ARFGEF3: variants seen among roughly 807,000 people sequenced by gnomAD.
ARFGEF3 encodes the protein ARFGEF family member 3.
ARFGEF3 carries 96 observed loss-of-function variants against 221.7 expected under a neutral mutation model. The ratio of observed to expected loss-of-function variants is 0.43; its 90% CI spans 0.37 to 0.51. The LOEUF is 0.51. ARFGEF3 is among the 20% of genes least tolerant of loss of function. The pLI is 0.00. For synonymous variants in ARFGEF3, 1,145 were observed against 1,126.8 expected (o/e 1.02, Z -0.32); for missense variants, 2,410 against 2,789.9 (o/e 0.86, Z 3.07).
At chr6:138,193,066 G>A (rs2114471252) in intron 2 of ARFGEF3, among the ~76,000 whole-genome samples, 1 of 152,292 alleles carries the variant, frequency 6.6e-6, no homozygotes, top group African/African-American at 2.4e-5. Context: ...TTCTCTGAAT[G>A]GTATGCAAGA....
chr6:138,289,725 C>A (rs1779364355), intron 17 of ARFGEF3, 93 bp from the exon 18 acceptor site: 1 of 1,365,498 alleles, frequency 7.3e-7, no homozygotes, highest in South Asian at 1.3e-5. Flanking sequence ...TGTCCTTTCC[C>A]TTTTGCCCTT....
At chr6:138,243,881 A>G (rs959268046) in intron 7 of ARFGEF3, among the ~76,000 whole-genome samples, 6 of 152,174 alleles carry the variant, frequency 3.9e-5, no homozygotes, top group Admixed American at 6.5e-5. Flanking sequence ...CCATGATGCC[A>G]CATTCTTGGG....
intron 3 of ARFGEF3, among the ~76,000 whole-genome samples, chr6:138,208,434 A>G (rs975025804): frequency 1.3e-5 from 2 of 152,208 alleles, no homozygotes; most frequent in East Asian, 3.8e-4. Flanking sequence ...GTCTTAAGTA[A>G]AAAGGTTTGA....
In ARFGEF3 at chr6:138,313,713, G is replaced by T. The variant is rs944241512; in HGVS notation, c.4201-82G>T. On this transcript the variant is annotated intron_variant, in intron 25 of 33. Coordinates refer to ENST00000251691, the MANE Select transcript of ARFGEF3 (RefSeq NM_020340.5). ...TTTCCCATCTCCTTTTAGTACTAGT[G>T]TATAATTTCATTATTCTTTAAAACC... The T allele has an allele frequency of 2.6e-6, 3 of 1,142,608 alleles. No individual in the cohort carries two copies. In the African/African-American group the frequency reaches 4.6e-5, roughly 18 times the overall value. 70.8% of individuals were successfully genotyped at this position (1,142,608 alleles called of 1,614,324 possible). A position where few individuals can be genotyped will look rare whatever the true frequency, so the allele number is the denominator to read the frequency against.
intron 24 of ARFGEF3, among the ~76,000 whole-genome samples, chr6:138,310,415 T>C (rs1286504601): frequency 1.3e-5 from 2 of 152,262 alleles, no homozygotes; most frequent in Admixed American, 6.5e-5. Context: ...CATTTGTCGA[T>C]GGCTGCTTCC....
intron 20 of ARFGEF3, among the ~76,000 whole-genome samples, chr6:138,296,540 G>A (rs1471741886): frequency 6.6e-6 from 1 of 152,000 alleles, no homozygotes; most frequent in Non-Finnish European, 1.5e-5. Context: ...CTACTGAACC[G>A]CTACCTCATT....
intron 32 of ARFGEF3, among the ~76,000 whole-genome samples, chr6:138,329,563 C>T (rs1780185974): frequency 6.6e-6 from 1 of 152,182 alleles, no homozygotes. Context: ...ACTCAGGAGA[C>T]TGAGGCAGGA....
chr6:138,324,451 G>A (rs1320826869), intron 31 of ARFGEF3, among the ~76,000 whole-genome samples: 1 of 152,194 alleles, frequency 6.6e-6, no homozygotes, highest in Non-Finnish European at 1.5e-5. Context: ...CTACCTGTAA[G>A]TATTTGCTTA....
At position 138,334,773 on chromosome 6, in the gene ARFGEF3, C is replaced by A; in HGVS notation, c.5927C>A (p.Ser1976Tyr). ...CAGTCCCGGGAGCACATGGGCGAGT[C>A]CCTGAGCCTGAAGGCCGGTGGTGGG... is the stretch of plus-strand genomic sequence containing the variant. ...RSQSREHMGE[S>Y]LSLKAGGGDL... Residue 1976 changes from serine to tyrosine, a missense_variant, in exon 33 of 34, where the codon TCC becomes TAC. This residue lies in a region of ARFGEF3 where 339 missense variants were observed against 334.9 expected (regional missense o/e 1.01). Coordinates refer to ENST00000251691, the MANE Select transcript of ARFGEF3 (RefSeq NM_020340.5). The surrounding 1 kb of genome is among the most constrained non-coding windows in gnomAD (Gnocchi z 5.1). The A allele has an allele frequency of 6.2e-7, 1 of 1,610,232 alleles. No individual in the cohort carries two copies. The highest frequency in any genetic ancestry group is 8.5e-7 in the Non-Finnish European group (1 of 1,178,228).
chr6:138,218,120 AC>A (rs1448622631), intron 4 of ARFGEF3: 2 of 1,613,914 alleles, frequency 1.2e-6, no homozygotes, highest in East Asian at 2.2e-5. Context: ...TCATTGAGGA[AC>A]CTTTCATGGT....
chr6:138,253,975 A>G lies in ARFGEF3; in HGVS notation c.761A>G (p.Asp254Gly). 1 of 1,583,290 alleles carries G rather than the reference A, an allele frequency of 6.3e-7. No homozygotes were observed. The highest frequency in any genetic ancestry group is 8.6e-7 in the Non-Finnish European group (1 of 1,166,218). Residue 254 changes from aspartate to glycine, a missense_variant, in exon 9 of 34, where the codon GAC becomes GGC. This residue lies in a region of ARFGEF3 where 570 missense variants were observed against 586.9 expected (regional missense o/e 0.97). Coordinates refer to ENST00000251691, the MANE Select transcript of ARFGEF3 (RefSeq NM_020340.5). Reference sequence around the variant, plus strand: ...ATGCACCTGCACAGGCGCTTCACGGACCTGATCTGGTGAGCACCCACTCCT... The same window carrying G: ...ATGCACCTGCACAGGCGCTTCACGGGCCTGATCTGGTGAGCACCCACTCCT... ...SSMHLHRRFTDLIWKNLCPAL... is the reference protein window; with the variant it reads ...SSMHLHRRFTGLIWKNLCPAL...
intron 14 of ARFGEF3, among the ~76,000 whole-genome samples, chr6:138,281,433 A>G (rs1351990751): frequency 6.6e-6 from 1 of 152,222 alleles, no homozygotes; most frequent in African/African-American, 2.4e-5. Flanking sequence ...TACTGAGTAT[A>G]GTAGCCAACA....
At chr6:138,225,601 A>G (rs1025929319) in intron 4 of ARFGEF3, among the ~76,000 whole-genome samples, 1 of 152,158 alleles carries the variant, frequency 6.6e-6, no homozygotes, top group Non-Finnish European at 1.5e-5. Context: ...TGCTTCCTTT[A>G]TGTTTGTAAT....
At chr6:138,245,969 A>G (rs942661982) in intron 8 of ARFGEF3, among the ~76,000 whole-genome samples, 1 of 152,108 alleles carries the variant, frequency 6.6e-6, no homozygotes, top group South Asian at 2.1e-4. Flanking sequence ...TCATCAAACC[A>G]TGCTGCCCTT....
At chr6:138,310,473 G>T (rs937366521) in intron 24 of ARFGEF3, among the ~76,000 whole-genome samples, 3 of 152,220 alleles carry the variant, frequency 2.0e-5, no homozygotes, top group African/African-American at 7.2e-5. Context: ...AGTATGACCT[G>T]CAAAGCCTGA....
intron 2 of ARFGEF3, among the ~76,000 whole-genome samples, chr6:138,180,647 T>C (rs1777060653): frequency 6.6e-6 from 1 of 152,196 alleles, no homozygotes; most frequent in Non-Finnish European, 1.5e-5. Flanking sequence ...AGTCCAAGCC[T>C]GGCTCATTTT....
intron 31 of ARFGEF3, among the ~76,000 whole-genome samples, chr6:138,326,486 GA>G (rs1332549220): frequency 6.6e-6 from 1 of 152,108 alleles, no homozygotes; most frequent in African/African-American, 2.4e-5. Flanking sequence ...CTTCTCAAAA[GA>G]AGACATACAT....
chr6:138,322,365 G>T (rs866279617), intron 29 of ARFGEF3, among the ~76,000 whole-genome samples: 2 of 151,984 alleles, frequency 1.3e-5, no homozygotes, highest in African/African-American at 4.8e-5. Flanking sequence ...GGAAAGACCC[G>T]GCCCGATGAT....
intron 14 of ARFGEF3, among the ~76,000 whole-genome samples, chr6:138,285,672 A>G (rs1426000564): frequency 2.6e-5 from 4 of 152,182 alleles, no homozygotes; most frequent in Admixed American, 2.6e-4. Context: ...AAATCAATAG[A>G]TTTTCTAACA....
Sources: allele counts gnomAD v4.1 joint callset (sites outside exome capture counted in the v4.1 genomes callset), GRCh38; gene constraint gnomAD v4.1.1; regional missense constraint gnomAD v4.1.1; non-coding constraint Gnocchi (gnomAD v3.1); transcripts MANE v1.5; gene names NCBI Gene and HGNC (gene_info 2026-07-23, HGNC 2026-07-21).